Variants in TWIST2 observed in about 807,000 individuals in gnomAD.
The protein encoded by TWIST2 is twist family bHLH transcription factor 2, also known as twist-related protein 2.
A neutral mutation model predicts 11.6 loss-of-function variants in TWIST2; 1 was observed. That is an observed-to-expected ratio of 0.09 (90% CI 0.03 to 0.41). TWIST2 has a LOEUF of 0.41. Ranked by LOEUF, TWIST2 falls within the 10% of genes least tolerant of loss-of-function variation. The probability of loss-of-function intolerance (pLI) is 0.98; values close to 1 mark genes in which losing one functional copy is unlikely to be tolerated. For missense variants in TWIST2, 168 were observed against 226.4 expected (o/e 0.74, Z 1.66); for synonymous variants, 87 against 96.6 (o/e 0.90, Z 0.58).
At position 238,890,294 on chromosome 2, in the gene TWIST2, T is replaced by C. The variant is rs545377708; in HGVS notation, c.*36-19548T>C. Among the ~76,000 whole-genome samples, 13 of 152,320 alleles carry C rather than the reference T, an allele frequency of 8.5e-5. No homozygotes were observed. In the East Asian group the frequency reaches 2.5e-3, roughly 29 times the overall value. On this transcript the variant is annotated intron_variant, in intron 1 of 1. Transcript: ENST00000612363. ...TCCCCACAGACGCTGACCGCTGCTC[T>C]GTGCAGGACCGGCACAGTGAGAGCA...
At chr2:238,882,790 T>C (rs1032567864) in intron 1 of TWIST2, among the ~76,000 whole-genome samples, 1 of 152,156 alleles carries the variant, frequency 6.6e-6, no homozygotes, top group Non-Finnish European at 1.5e-5. Flanking sequence ...GGAAGTGATA[T>C]CTTGATTTTA....
intron 1 of TWIST2, among the ~76,000 whole-genome samples, chr2:238,850,263 G>A (rs1455290796): frequency 2.6e-5 from 4 of 152,208 alleles, no homozygotes; most frequent in Non-Finnish European, 5.9e-5. Flanking sequence ...CAGATGGAAA[G>A]TGTCTCAATC....
chr2:238,909,074 T>G (rs1693408721), intron 1 of TWIST2, among the ~76,000 whole-genome samples: 5 of 2,436 alleles, frequency 2.1e-3, no homozygotes, highest in Admixed American at 3.2e-3. Flanking sequence ...GTATGTAGTG[T>G]GGGGTGTGTG....
intron 1 of TWIST2, among the ~76,000 whole-genome samples, chr2:238,858,626 G>A (rs36141670): frequency 0.18 from 27,014 of 152,076 alleles, 2,575 homozygotes; most frequent in East Asian, 0.37. Flanking sequence ...CATGTGGTCC[G>A]AGGCAAGTCA....
intron 1 of TWIST2, among the ~76,000 whole-genome samples, chr2:238,896,117 A>T (rs1693203597): frequency 6.6e-6 from 1 of 152,124 alleles, no homozygotes. Flanking sequence ...GCAGCAGGCA[A>T]GCCGGGGTCA....
intron 1 of TWIST2, among the ~76,000 whole-genome samples, chr2:238,900,719 G>C (rs1202348031): frequency 2.6e-5 from 4 of 152,164 alleles, no homozygotes; most frequent in Admixed American, 6.5e-5. Context: ...CACTGAGTGG[G>C]GGTGGTGAGC....
intron 1 of TWIST2, among the ~76,000 whole-genome samples, chr2:238,860,164 C>T (rs559773003): frequency 6.6e-6 from 1 of 152,316 alleles, no homozygotes; most frequent in African/African-American, 2.4e-5. Flanking sequence ...CAGAGGCCCT[C>T]AAGGGGTTGG....
intron 1 of TWIST2, among the ~76,000 whole-genome samples, chr2:238,855,286 G>A (rs1692310805): frequency 2.6e-5 from 4 of 152,318 alleles, no homozygotes; most frequent in Admixed American, 2.6e-4. Context: ...GGGAAAGGAA[G>A]GAGGAGAAGG....
intron 1 of TWIST2, among the ~76,000 whole-genome samples, chr2:238,906,601 ACT>A (rs1435870094): frequency 0.022 from 3,345 of 151,702 alleles, 56 homozygotes; most frequent in Non-Finnish European, 0.034. Flanking sequence ...ACACACACTC[ACT>A]CTGGACATTC....
At chr2:238,851,687 G>T (rs1692244228) in intron 1 of TWIST2, among the ~76,000 whole-genome samples, 1 of 152,044 alleles carries the variant, frequency 6.6e-6, no homozygotes, top group Non-Finnish European at 1.5e-5. Flanking sequence ...ATAGGTGTTT[G>T]TTAACTGCTG....
intron 1 of TWIST2, among the ~76,000 whole-genome samples, chr2:238,858,030 G>A (rs1250678367): frequency 1.3e-5 from 2 of 152,318 alleles, no homozygotes; most frequent in East Asian, 3.9e-4. Flanking sequence ...AAGCCAACTG[G>A]CCTGGGGGTT....
intron 1 of TWIST2, among the ~76,000 whole-genome samples, chr2:238,873,737 C>G (rs1050499035): frequency 6.6e-6 from 1 of 152,140 alleles, no homozygotes; most frequent in Non-Finnish European, 1.5e-5. Flanking sequence ...CCGAGAGTCA[C>G]GCTGGTCTTG....
intron 1 of TWIST2, among the ~76,000 whole-genome samples, chr2:238,871,728 G>T (rs1352419425): frequency 6.7e-6 from 1 of 149,810 alleles, no homozygotes; most frequent in African/African-American, 2.5e-5. Flanking sequence ...TAAAAAGGAA[G>T]GTTGTCTCGA....
At chr2:238,909,639 G>A (rs1466932049) in intron 1 of TWIST2, among the ~76,000 whole-genome samples, 2 of 152,092 alleles carry the variant, frequency 1.3e-5, no homozygotes, top group African/African-American at 4.8e-5. Context: ...GGCCCAGGGG[G>A]CAGGGGTTGC....
intron 1 of TWIST2, among the ~76,000 whole-genome samples, chr2:238,857,314 C>T (rs975303811): frequency 6.6e-6 from 1 of 152,198 alleles, no homozygotes; most frequent in African/African-American, 2.4e-5. Context: ...GCCCAAGTCA[C>T]CTATCAGCTC....
rs140862849 is a variant in TWIST2 at position 238,853,659 on chromosome 2, T to C, written c.*35+4926T>C. Among the ~76,000 whole-genome samples the C allele has an allele frequency of 3.2e-3, 490 of 152,340 alleles. 3 individuals carry two copies. The highest frequency in any genetic ancestry group is 0.011 in the African/African-American group (470 of 41,580). On this transcript the variant is annotated intron_variant, in intron 1 of 1. Transcript: ENST00000612363. ...CATTAACAAGGTGAATTTTAAGCTC[T>C]TGTAAACTGAGGCACAGTGTGATTT...
At chr2:238,887,761 CTG>C (rs1693067502) in intron 1 of TWIST2, among the ~76,000 whole-genome samples, 1 of 152,208 alleles carries the variant, frequency 6.6e-6, no homozygotes, top group Non-Finnish European at 1.5e-5. Flanking sequence ...GTTCTCAAGA[CTG>C]TGGAGGCTCT....
At chr2:238,888,653 A>G (rs1208746775) in intron 1 of TWIST2, among the ~76,000 whole-genome samples, 1 of 152,218 alleles carries the variant, frequency 6.6e-6, no homozygotes, top group African/African-American at 2.4e-5. Context: ...TAAGGAGTAT[A>G]AGAAGTCGTA....
At chr2:238,862,463 G>C (rs1692452186) in intron 1 of TWIST2, among the ~76,000 whole-genome samples, 1 of 152,150 alleles carries the variant, frequency 6.6e-6, no homozygotes, top group Admixed American at 6.5e-5. Flanking sequence ...CGCGTGAAGT[G>C]TTGAACTTCA....
Sources: gnomAD v4.1 joint callset for allele counts (sites outside exome capture counted in the v4.1 genomes callset) on GRCh38, gnomAD v4.1.1 for gene constraint, MANE v1.5 for transcripts, NCBI Gene and HGNC (gene_info 2026-07-23, HGNC 2026-07-21) for gene names.